ADAM12: variants seen among roughly 807,000 people sequenced by gnomAD.
The protein encoded by ADAM12 is disintegrin and metalloproteinase domain-containing protein 12.
Under a neutral mutation model 106.4 loss-of-function variants are expected in ADAM12, and 70 were observed. The ratio of observed to expected loss-of-function variants is 0.66; its 90% CI spans 0.54 to 0.80. The LOEUF (loss-of-function observed/expected upper bound fraction) is 0.80. ADAM12 is among the 30% of genes least tolerant of loss of function. The pLI, the probability that ADAM12 is intolerant of heterozygous loss-of-function variation, is 0.00. For missense variants in ADAM12, 1,010 were observed against 1,171.9 expected (o/e 0.86, Z 2.02); for synonymous variants, 420 against 433.5 (o/e 0.97, Z 0.39).
At chr10:126,085,472 G>A (rs778395917) in intron 11 of ADAM12, among the ~76,000 whole-genome samples, 4 of 151,928 alleles carry the variant, frequency 2.6e-5, no homozygotes, top group Non-Finnish European at 4.4e-5. Context: ...CTCTCCATCC[G>A]CCCACCCAGC....
chr10:126,194,742 A>G (rs1227209048), intron 3 of ADAM12, among the ~76,000 whole-genome samples: 1 of 152,244 alleles, frequency 6.6e-6, no homozygotes, highest in Non-Finnish European at 1.5e-5. Flanking sequence ...TTCAGGGTAG[A>G]AAGTTGCAAC....
At chr10:126,167,310 G>A (rs2133754954) in intron 3 of ADAM12, among the ~76,000 whole-genome samples, 1 of 152,328 alleles carries the variant, frequency 6.6e-6, no homozygotes, top group Non-Finnish European at 1.5e-5. Context: ...TGACTTCAGA[G>A]CTCTTATTGC....
chr10:126,051,596 G>T (rs372680648), intron 14 of ADAM12, among the ~76,000 whole-genome samples: 36 of 129,226 alleles, frequency 2.8e-4, no homozygotes, highest in Non-Finnish European at 4.8e-4. Flanking sequence ...CATCCAGCCA[G>T]CCAGCCACCT....
At position 126,284,238 on chromosome 10, in the gene ADAM12, C is replaced by G. The variant is rs1389990062; in HGVS notation, c.187-5250G>C. 2.1e-5 allele frequency among the ~76,000 whole-genome samples: 3 copies of G among 143,294 alleles called. No homozygotes were observed. The Admixed American group carries it at 2.3e-4, about 11-fold the overall frequency. The allele number at this position is 143,294 out of a possible 152,430, so 94.0% of individuals were successfully genotyped here. A position where few individuals can be genotyped will look rare whatever the true frequency, so the allele number is the denominator to read the frequency against. On this transcript the variant is annotated intron_variant, in intron 2 of 22. Coordinates refer to ENST00000448723, the MANE Select transcript of ADAM12 (RefSeq NM_001288973.2). ...ATCCTAGCTACTCGGGAGGCTGAGG[C>G]AGGAGAATCACTTGAACCCGGGAGG...
chr10:126,165,977 C>G (rs1265273655), intron 3 of ADAM12, among the ~76,000 whole-genome samples: 1 of 152,170 alleles, frequency 6.6e-6, no homozygotes, highest in East Asian at 1.9e-4. Flanking sequence ...ATCAAAACAA[C>G]TTTTGTTTTC....
intron 20 of ADAM12, among the ~76,000 whole-genome samples, chr10:126,037,309 T>C (rs1441957310): frequency 6.8e-6 from 1 of 146,058 alleles, no homozygotes; most frequent in East Asian, 2.0e-4. Flanking sequence ...TTAATAGAGC[T>C]GCATTTTTCT....
intron 3 of ADAM12, among the ~76,000 whole-genome samples, chr10:126,233,789 G>A (rs187870280): frequency 3.9e-5 from 6 of 152,304 alleles, no homozygotes; most frequent in East Asian, 3.9e-4. Context: ...TTGGAAATGC[G>A]CTTCTCTTAC....
chr10:126,127,797 G>C (rs756546687), intron 5 of ADAM12, among the ~76,000 whole-genome samples: 1 of 152,212 alleles, frequency 6.6e-6, no homozygotes, highest in Non-Finnish European at 1.5e-5. Context: ...CACCAGGAGA[G>C]GCTTCTTGGA....
At chr10:126,327,364 T>C (rs146728781) in intron 2 of ADAM12, among the ~76,000 whole-genome samples, 45 of 152,298 alleles carry the variant, frequency 3.0e-4, no homozygotes, top group Non-Finnish European at 5.6e-4. Flanking sequence ...AGGCCCCCTT[T>C]CTTTAGGTTC....
intron 2 of ADAM12, among the ~76,000 whole-genome samples, chr10:126,306,008 T>A (rs144463084): frequency 0.014 from 2,059 of 152,162 alleles, 29 homozygotes; most frequent in Middle Eastern, 0.027. Context: ...AAAGTGTATC[T>A]CTTGTAAATC....
In ADAM12 at chr10:126,049,699, C is replaced by G; in HGVS notation, c.1610-30G>C. ...AACAGAAGCAGAACTGCATTTTCAT[C>G]TCCTGCAGGTGATTTTTTTTTTTTC... On this transcript the variant is annotated intron_variant, in intron 14 of 22. Coordinates refer to ENST00000448723, the MANE Select transcript of ADAM12 (RefSeq NM_001288973.2). This position sits in a 1 kb window ranked among gnomAD's most constrained non-coding sequence, Gnocchi z 4.4. The G allele has an allele frequency of 6.3e-7, 1 of 1,589,090 alleles. No homozygotes were observed. The highest frequency in any genetic ancestry group is 1.1e-5 in the South Asian group (1 of 87,348).
intron 4 of ADAM12, among the ~76,000 whole-genome samples, chr10:126,141,462 C>A (rs932551841): frequency 4.8e-5 from 7 of 145,030 alleles, no homozygotes; most frequent in African/African-American, 1.7e-4. Context: ...AAAATTACAT[C>A]TTTTCCTTTT....
At chr10:126,095,403 G>A (rs981424232) in intron 10 of ADAM12, among the ~76,000 whole-genome samples, 5 of 151,816 alleles carry the variant, frequency 3.3e-5, no homozygotes, top group South Asian at 2.1e-4. Flanking sequence ...GCGTGGTGGC[G>A]GGCGCCTGTA....
At position 126,230,449 on chromosome 10, in the gene ADAM12, G is replaced by A. The variant is rs183911568; in HGVS notation, c.260+48466C>T. Reference sequence around the variant, plus strand: ...GAAACTGCTGAGTCGAATGCTGTATGTTTAATATTCTTAATATGTATTTCT... The same window carrying A: ...GAAACTGCTGAGTCGAATGCTGTATATTTAATATTCTTAATATGTATTTCT... On this transcript the variant is annotated intron_variant, in intron 3 of 22. Coordinates refer to ENST00000448723, the MANE Select transcript of ADAM12 (RefSeq NM_001288973.2). Among the ~76,000 whole-genome samples the A allele has an allele frequency of 2.5e-3, 376 of 152,328 alleles. 4 individuals are homozygous for A. The highest frequency in any genetic ancestry group is 0.018 in the South Asian group (88 of 4,834).
intron 1 of ADAM12, among the ~76,000 whole-genome samples, chr10:126,338,246 ATTT>A (rs200317403): frequency 2.2e-5 from 2 of 89,840 alleles, no homozygotes; most frequent in African/African-American, 4.5e-5. Context: ...AGTAACTTAC[ATTT>A]TTTTTTTTTT....
intron 3 of ADAM12, among the ~76,000 whole-genome samples, chr10:126,243,381 T>G (rs1958565256): frequency 6.6e-6 from 1 of 152,210 alleles, no homozygotes; most frequent in South Asian, 2.1e-4. Flanking sequence ...TACTCTGTTC[T>G]CAGGCCTTCT....
chr10:126,123,156 C>T (rs2133639376), intron 5 of ADAM12, among the ~76,000 whole-genome samples: 1 of 152,292 alleles, frequency 6.6e-6, no homozygotes, highest in East Asian at 1.9e-4. Context: ...TATAATTAAT[C>T]ATTTAGCTCT....
intron 2 of ADAM12, among the ~76,000 whole-genome samples, chr10:126,314,508 G>A (rs1432437738): frequency 6.6e-6 from 1 of 152,072 alleles, no homozygotes; most frequent in African/African-American, 2.4e-5. Context: ...CAAATTTTGG[G>A]AGCACCCTCC....
At chr10:126,147,134 G>A (rs1956642885) in intron 4 of ADAM12, among the ~76,000 whole-genome samples, 1 of 152,226 alleles carries the variant, frequency 6.6e-6, no homozygotes, top group Non-Finnish European at 1.5e-5. Flanking sequence ...GTTCATCTCA[G>A]CTGGTCTCCT....
Sources: gnomAD v4.1 joint callset for allele counts (sites outside exome capture counted in the v4.1 genomes callset) on GRCh38, gnomAD v4.1.1 for gene constraint, Gnocchi (gnomAD v3.1) non-coding constraint, MANE v1.5 for transcripts, NCBI Gene and HGNC (gene_info 2026-07-23, HGNC 2026-07-21) for gene names.